Variants in LUZP1 observed in about 807,000 individuals in gnomAD.
LUZP1 encodes the protein leucine zipper protein 1.
In LUZP1, 25 loss-of-function variants were observed where a neutral mutation model predicts 71.3. The observed-to-expected ratio is 0.35, with a 90% CI of 0.26 to 0.49. The LOEUF (loss-of-function observed/expected upper bound fraction) is 0.49, where lower values mean the gene tolerates loss of function less well. Ranked by LOEUF, LUZP1 falls within the 20% of genes least tolerant of loss-of-function variation. LUZP1 has a pLI of 0.99. For synonymous variants in LUZP1, 481 were observed against 506.4 expected, an observed-to-expected ratio of 0.95 and a Z score of 0.67; for missense variants, 1,142 against 1,300.8, an observed-to-expected ratio of 0.88 and a Z score of 1.88.
At chr1:23,126,372 C>T (rs1228099444) in intron 2 of LUZP1, among the ~76,000 whole-genome samples, 1 of 152,114 alleles carries the variant, frequency 6.6e-6, no homozygotes, top group Non-Finnish European at 1.5e-5. Context: ...AATCCCAGTA[C>T]ATTGGGAGGA....
At chr1:23,090,880 G>A (rs959215506) in intron 4 of LUZP1, 3 of 717,764 alleles carry the variant, frequency 4.2e-6, no homozygotes, top group African/African-American at 3.5e-5. Flanking sequence ...AGGGCCTACG[G>A]GGAGCTCCTT....
intron 4 of LUZP1, among the ~76,000 whole-genome samples, chr1:23,090,157 T>C (rs1006595888): frequency 1.3e-5 from 2 of 152,014 alleles, no homozygotes; most frequent in African/African-American, 2.4e-5. Context: ...AGAAAGAGCA[T>C]TGGATTTAGA....
intron 3 of LUZP1, among the ~76,000 whole-genome samples, chr1:23,100,510 A>G (rs1337713325): frequency 6.6e-6 from 1 of 152,204 alleles, no homozygotes; most frequent in Non-Finnish European, 1.5e-5. Flanking sequence ...ATAGACATCA[A>G]AAAACCACAA....
chr1:23,151,308 T>A (rs1644381149), intron 2 of LUZP1, among the ~76,000 whole-genome samples: 1 of 152,156 alleles, frequency 6.6e-6, no homozygotes, highest in Admixed American at 6.5e-5. Context: ...CCTCCCAAAG[T>A]GCTGGGATTA....
At chr1:23,099,143 T>C (rs1453173970) in intron 3 of LUZP1, among the ~76,000 whole-genome samples, 1 of 152,214 alleles carries the variant, frequency 6.6e-6, no homozygotes, top group East Asian at 1.9e-4. Context: ...AAACCTCCTA[T>C]AGTTTATGTT....
intron 2 of LUZP1, among the ~76,000 whole-genome samples, chr1:23,130,600 G>A (rs186727645): frequency 6.1e-4 from 88 of 143,786 alleles, no homozygotes; most frequent in Non-Finnish European, 1.2e-3. Context: ...CTAGGCTCAA[G>A]CAATCCTCCC....
intron 2 of LUZP1, among the ~76,000 whole-genome samples, chr1:23,126,344 T>A (rs1432046787): frequency 5.3e-5 from 8 of 152,106 alleles, no homozygotes. Flanking sequence ...CAAGGCCGGG[T>A]GCAGAGGTCA....
At chr1:23,112,547 T>C (rs1372208617) in intron 2 of LUZP1, among the ~76,000 whole-genome samples, 1 of 152,218 alleles carries the variant, frequency 6.6e-6, no homozygotes, top group Non-Finnish European at 1.5e-5. Flanking sequence ...TAGATAAAAA[T>C]GTCAGTAAGA....
At chr1:23,151,371 C>A (rs1644382378) in intron 2 of LUZP1, among the ~76,000 whole-genome samples, 1 of 152,134 alleles carries the variant, frequency 6.6e-6, no homozygotes, top group South Asian at 2.1e-4. Flanking sequence ...GCCCCCTTTG[C>A]ATGCTCAGAC....
chr1:23,163,217 G>C (rs1644482899), intron 2 of LUZP1, among the ~76,000 whole-genome samples: 1 of 147,366 alleles, frequency 6.8e-6, no homozygotes, highest in Non-Finnish European at 1.5e-5. Context: ...TCCAGCCTGG[G>C]TGACAGGGTG....
intron 2 of LUZP1, among the ~76,000 whole-genome samples, chr1:23,110,635 TAC>T (rs1553137224): frequency 2.9e-3 from 120 of 41,878 alleles, no homozygotes; most frequent in South Asian, 0.012. Context: ...CGCGCACACA[TAC>T]ACACACACAC....
intron 2 of LUZP1, among the ~76,000 whole-genome samples, chr1:23,129,245 T>A (rs1007695067): frequency 6.6e-6 from 1 of 152,160 alleles, no homozygotes; most frequent in Non-Finnish European, 1.5e-5. Flanking sequence ...TTTTCAGCCC[T>A]CAAAAATTAA....
intron 2 of LUZP1, among the ~76,000 whole-genome samples, chr1:23,112,324 T>C (rs572896580): frequency 2.6e-5 from 4 of 152,204 alleles, no homozygotes; most frequent in Admixed American, 6.5e-5. Flanking sequence ...CTGGCACTTA[T>C]TGTTTCTGTT....
intron 2 of LUZP1, among the ~76,000 whole-genome samples, chr1:23,165,655 G>A (rs1326612945): frequency 1.3e-5 from 2 of 152,022 alleles, no homozygotes; most frequent in Non-Finnish European, 2.9e-5. Flanking sequence ...CAAAAAAAAA[G>A]GGAATACATT....
Position 23,092,768 on chromosome 1 carries a change from G to GTCCA in LUZP1, c.1493_1494insTGGA (p.Leu500ArgfsTer14), listed in dbSNP as rs761112500. ...TCTTCTCCACTTTTCCCTTCAGTCC[G>GTCCA]CTCTCGGTGCCTGGCTTGGAAGTCC... On this transcript the variant is annotated frameshift_variant, in exon 4 of 5. Coordinates refer to ENST00000302291, the Ensembl canonical transcript of LUZP1. LOFTEE classifies it high-confidence loss of function. 73 of 1,612,736 alleles carry GTCCA rather than the reference G, an allele frequency of 4.5e-5. No individual in the cohort carries two copies. The highest frequency in any genetic ancestry group is 5.7e-5 in the Non-Finnish European group (67 of 1,179,516).
At chr1:23,168,191 T>G (rs1280024748) in intron 2 of LUZP1, among the ~76,000 whole-genome samples, 2 of 126,974 alleles carry the variant, frequency 1.6e-5, no homozygotes, top group African/African-American at 5.9e-5. Flanking sequence ...CGCCCGCAGC[T>G]GGCCCCGCAC....
At chr1:23,118,764 T>C (rs1644106457) in intron 2 of LUZP1, among the ~76,000 whole-genome samples, 1 of 152,218 alleles carries the variant, frequency 6.6e-6, no homozygotes, top group South Asian at 2.1e-4. Context: ...CTGAAAATTT[T>C]ATATTGTCAT....
intron 2 of LUZP1, chr1:23,141,271 A>C (rs1331863193): frequency 6.6e-6 from 1 of 152,292 alleles, no homozygotes; most frequent in Non-Finnish European, 1.5e-5. Context: ...CAGGGGAGCC[A>C]GGCAAGGGAG....
exon 5 of LUZP1, chr1:23,088,605 T>G: frequency 3.2e-6 from 1 of 313,840 alleles, no homozygotes; most frequent in Non-Finnish European, 6.0e-6. Context: ...GACTTTATCT[T>G]CCCTTGTTTG....
Sources: gnomAD v4.1 joint callset for allele counts (sites outside exome capture counted in the v4.1 genomes callset) on GRCh38, gnomAD v4.1.1 for gene constraint, MANE v1.5 for transcripts, NCBI Gene and HGNC (gene_info 2026-07-23, HGNC 2026-07-21) for gene names.